The following GPHN variants were observed in gnomAD, a reference collection of about 807,000 sequenced individuals.
GPHN encodes gephyrin.
GPHN carries 17 observed loss-of-function variants against 95.5 expected under a neutral mutation model. That is an observed-to-expected ratio of 0.18 (90% CI 0.12 to 0.27). GPHN has a LOEUF of 0.27. Among genes scored for constraint, GPHN ranks in the 10% least tolerant of loss-of-function variants. The pLI is 1.00. For synonymous variants in GPHN, 320 were observed against 322.5 expected (o/e 0.99, Z 0.08); for missense variants, 660 against 978.1 (o/e 0.67, Z 4.34).
intron 4 of GPHN, among the ~76,000 whole-genome samples, chr14:66,848,270 A>C (rs1019680329): frequency 4.6e-5 from 7 of 152,230 alleles, no homozygotes; most frequent in South Asian, 2.1e-4. Context: ...GTAGTAGTAC[A>C]TGTATATTTG....
the GPHN span, among the ~76,000 whole-genome samples, chr14:67,465,195 G>A: frequency 6.6e-6 from 1 of 152,260 alleles, no homozygotes; most frequent in Non-Finnish European, 1.5e-5. Flanking sequence ...TGAAGGCAGA[G>A]CGAGGGGAAG....
intron 1 of GPHN, among the ~76,000 whole-genome samples, chr14:66,675,292 G>A (rs1448974322): frequency 5.3e-5 from 8 of 151,872 alleles, no homozygotes; most frequent in Non-Finnish European, 7.4e-5. Flanking sequence ...CTATAGGCAC[G>A]TACCACCACG....
At chr14:66,608,169 T>C (rs1194526253) in intron 1 of GPHN, among the ~76,000 whole-genome samples, 1 of 151,874 alleles carries the variant, frequency 6.6e-6, no homozygotes, top group Non-Finnish European at 1.5e-5. Context: ...ATCCCAAAGA[T>C]TTTGTTAATA....
chr14:66,645,164 A>C (rs7144635), intron 1 of GPHN, among the ~76,000 whole-genome samples: 47,167 of 152,000 alleles, frequency 0.31, 11,158 homozygotes, highest in African/African-American at 0.63. Context: ...AATATTTAGG[A>C]ACTTCATAAA....
the GPHN span, among the ~76,000 whole-genome samples, chr14:67,707,805 A>G: frequency 6.6e-6 from 1 of 152,208 alleles, no homozygotes; most frequent in Non-Finnish European, 1.5e-5. Context: ...TGAGGTTCCA[A>G]GGTAAACTTG....
At chr14:66,893,791 G>A (rs1350484374) in intron 5 of GPHN, among the ~76,000 whole-genome samples, 1 of 152,038 alleles carries the variant, frequency 6.6e-6, no homozygotes, top group Non-Finnish European at 1.5e-5. Flanking sequence ...AAATACCTAG[G>A]AATCCAACTT....
At chr14:66,735,091 C>T (rs1462025597) in intron 2 of GPHN, among the ~76,000 whole-genome samples, 1 of 152,062 alleles carries the variant, frequency 6.6e-6, no homozygotes, top group East Asian at 1.9e-4. Context: ...ACCAACAAGT[C>T]TTAGTAGTTA....
At chr14:66,756,201 A>G (rs1050591779) in intron 2 of GPHN, among the ~76,000 whole-genome samples, 1 of 152,188 alleles carries the variant, frequency 6.6e-6, no homozygotes, top group Admixed American at 6.5e-5. Context: ...CCGATTTAAT[A>G]TACCTATAAT....
At chr14:67,092,358 C>A (rs1366258372) in intron 12 of GPHN, among the ~76,000 whole-genome samples, 1 of 152,008 alleles carries the variant, frequency 6.6e-6, no homozygotes, top group African/African-American at 2.4e-5. Context: ...TGAGTACCTC[C>A]TTCTCTCTAC....
At chr14:66,641,791 A>C (rs2064427051) in intron 1 of GPHN, among the ~76,000 whole-genome samples, 1 of 152,152 alleles carries the variant, frequency 6.6e-6, no homozygotes, top group Non-Finnish European at 1.5e-5. Context: ...GATTAATCAA[A>C]ATTGGCCAAA....
chr14:66,824,884 G>T (rs1009556784), intron 4 of GPHN, among the ~76,000 whole-genome samples: 2 of 152,110 alleles, frequency 1.3e-5, no homozygotes, highest in Admixed American at 6.5e-5. Context: ...GGTTAGCATG[G>T]CATCTGGTCT....
chr14:67,667,852 A>G, the GPHN span, among the ~76,000 whole-genome samples: 42 of 152,162 alleles, frequency 2.8e-4, no homozygotes, highest in Admixed American at 7.2e-4. Context: ...GCTGAGGCAG[A>G]AGAATGGCGT....
chr14:67,579,940 G>C, the GPHN span: 2 of 1,447,180 alleles, frequency 1.4e-6, no homozygotes, highest in South Asian at 2.5e-5. Context: ...GGTGGGGAAA[G>C]AGCCCATCTG....
intron 1 of GPHN, among the ~76,000 whole-genome samples, chr14:66,607,585 C>A (rs2062594155): frequency 1.3e-5 from 2 of 151,714 alleles, no homozygotes; most frequent in Admixed American, 1.3e-4. Flanking sequence ...GGTGCCAGTT[C>A]TTATTTGTAT....
chr14:67,495,953 A>G, the GPHN span, among the ~76,000 whole-genome samples: 1 of 152,194 alleles, frequency 6.6e-6, no homozygotes, highest in Non-Finnish European at 1.5e-5. Flanking sequence ...ACCTAATTCC[A>G]AAGCAAAGCC....
At chr14:67,408,089 C>A in the GPHN span, among the ~76,000 whole-genome samples, 1 of 151,996 alleles carries the variant, frequency 6.6e-6, no homozygotes. Context: ...GAGTTCAAGA[C>A]CAGCCTGACC....
At chr14:67,565,465 A>C in the GPHN span, among the ~76,000 whole-genome samples, 10 of 152,004 alleles carry the variant, frequency 6.6e-5, no homozygotes, top group African/African-American at 2.4e-4. Flanking sequence ...GGCTAGTCTC[A>C]AACTCCTGGC....
At chr14:67,434,628 A>G in the GPHN span, among the ~76,000 whole-genome samples, 1 of 152,204 alleles carries the variant, frequency 6.6e-6, no homozygotes, top group Non-Finnish European at 1.5e-5. Flanking sequence ...GAACATTTGG[A>G]GGACTAAAGA....
rs575638547 is a variant in GPHN, at chr14:66,708,863, TATC to T, written c.143+27683_143+27685del. The stretch of plus-strand genomic sequence containing the variant: ...AGCAAGTACGGAGCTCAAAAGTCCC[TATC>T]ATCAATATTTTATATTGTAAAACTA... On this transcript the variant is annotated intron_variant, in intron 2 of 22. Transcript: ENST00000478722. Among the ~76,000 whole-genome samples, 331 of 152,298 alleles carry T rather than the reference TATC, an allele frequency of 2.2e-3. 1 individual carries two copies. The highest frequency in any genetic ancestry group is 7.7e-3 in the African/African-American group (320 of 41,582).
Sources: gnomAD v4.1 joint callset for allele counts (sites outside exome capture counted in the v4.1 genomes callset) on GRCh38, gnomAD v4.1.1 for gene constraint, MANE v1.5 for transcripts, NCBI Gene and HGNC (gene_info 2026-07-23, HGNC 2026-07-21) for gene names.